SLC41A3: variants seen among roughly 807,000 people sequenced by gnomAD.
SLC41A3 encodes solute carrier family 41 member 3, also known as SLC41A1-like 2.
Under a neutral mutation model 45.4 loss-of-function variants are expected in SLC41A3, and 44 were observed. That is an observed-to-expected ratio of 0.97 (90% CI 0.76 to 1.25). SLC41A3 has a LOEUF of 1.25. Among genes scored for constraint, SLC41A3 ranks in the 50% most tolerant of loss-of-function variants. SLC41A3 has a pLI of 0.00. For missense variants in SLC41A3, 550 were observed against 600.6 expected (o/e 0.92, Z 0.88); for synonymous variants, 256 against 252.4 (o/e 1.01, Z -0.13).
intron 6 of SLC41A3, among the ~76,000 whole-genome samples, chr3:126,020,544 C>T (rs945047662): frequency 2.0e-5 from 3 of 152,156 alleles, no homozygotes; most frequent in African/African-American, 7.2e-5. Flanking sequence ...AAACCAAAAA[C>T]AAAATTCGAA....
At chr3:126,093,286 CA>C (rs1226989130) in intron 1 of SLC41A3, among the ~76,000 whole-genome samples, 2 of 152,128 alleles carry the variant, frequency 1.3e-5, no homozygotes, top group Non-Finnish European at 2.9e-5. Flanking sequence ...GAAATATGTC[CA>C]AAATATAAAA....
intron 3 of SLC41A3, among the ~76,000 whole-genome samples, chr3:126,039,056 A>G (rs983596380): frequency 1.4e-4 from 22 of 152,278 alleles, no homozygotes; most frequent in African/African-American, 5.3e-4. Flanking sequence ...CAGCTTCCAC[A>G]ATAATTGGAA....
intron 4 of SLC41A3, among the ~76,000 whole-genome samples, chr3:126,030,466 A>C (rs1941717183): frequency 6.6e-6 from 1 of 152,136 alleles, no homozygotes; most frequent in Non-Finnish European, 1.5e-5. Context: ...TTCTAAATAA[A>C]ATCTCCATTT....
At chr3:126,033,461 T>C (rs1941951759) in intron 4 of SLC41A3, 146 bp downstream of exon 4, 3 of 818,556 alleles carry the variant, frequency 3.7e-6, no homozygotes, top group Non-Finnish European at 5.9e-6. Flanking sequence ...ATGTGGTCTA[T>C]TGGATGTGGG....
At position 126,033,646 on chromosome 3, in the gene SLC41A3, C is replaced by T. The variant is rs1003406909; in HGVS notation, c.414G>A (p.Glu138=). The part of the protein sequence containing the change: ...ANTGQIDDPQ[E]QHRVISSNLA... ...GGTTGCTGCTGATGACTCTGTGCTG[C>T]TCCTGGGGGTCATCAATTTGTCCAG... The change falls in exon 4 of 11, where the codon GAG becomes GAA. Residue 138 remains glutamate (E), a synonymous_variant. Transcript: ENST00000360370. 1 of 1,613,180 alleles carries T rather than the reference C, an allele frequency of 6.2e-7. No homozygotes were observed. The highest frequency in any genetic ancestry group is 1.7e-5 in the Admixed American group (1 of 59,966).
At chr3:126,045,468 G>A (rs995914368) in intron 3 of SLC41A3, among the ~76,000 whole-genome samples, 3 of 151,904 alleles carry the variant, frequency 2.0e-5, no homozygotes, top group African/African-American at 4.8e-5. Context: ...TGATTCTACA[G>A]AAATAAAAAG....
At chr3:126,019,364 T>G (rs1441695836) in intron 6 of SLC41A3, among the ~76,000 whole-genome samples, 1 of 152,174 alleles carries the variant, frequency 6.6e-6, no homozygotes, top group East Asian at 1.9e-4. Flanking sequence ...TACTGCCACA[T>G]TGGGGATCAA....
At chr3:126,040,669 C>T (rs1277186158) in intron 3 of SLC41A3, among the ~76,000 whole-genome samples, 1 of 152,090 alleles carries the variant, frequency 6.6e-6, no homozygotes, top group Non-Finnish European at 1.5e-5. Flanking sequence ...CAGGGCAGTG[C>T]CCCAAGTGAC....
intron 4 of SLC41A3, 139 bp downstream of exon 4, chr3:126,033,468 T>G (rs922093860): frequency 3.5e-6 from 3 of 863,658 alleles, no homozygotes; most frequent in Non-Finnish European, 5.5e-6. Context: ...CTATTGGATG[T>G]GGGAGGGACA....
intron 2 of SLC41A3, chr3:126,056,639 T>C (rs1166182737): frequency 8.7e-6 from 13 of 1,494,606 alleles, no homozygotes; most frequent in African/African-American, 1.4e-5. Context: ...ACCAGGACGC[T>C]GTTCCCAAGA....
intron 9 of SLC41A3, among the ~76,000 whole-genome samples, chr3:126,011,308 A>G (rs1939684708): frequency 6.6e-6 from 1 of 152,240 alleles, no homozygotes; most frequent in African/African-American, 2.4e-5. Context: ...CAAAAGTCCC[A>G]GACAACTCAG....
intron 8 of SLC41A3, among the ~76,000 whole-genome samples, chr3:126,015,259 T>C (rs955067831): frequency 1.3e-5 from 2 of 152,212 alleles, no homozygotes; most frequent in Non-Finnish European, 1.5e-5. Flanking sequence ...GGGCTGCCTG[T>C]GAGGAGCCGG....
chr3:126,082,373 T>C lies in SLC41A3; in HGVS notation c.-28+1720A>G, dbSNP rs143923397. ...GGGCAATGTCTGCACATGGTTTTGGTTGTCCCGACAGGGGGTGATACAGGA... is the reference window on the plus strand; with the variant it reads ...GGGCAATGTCTGCACATGGTTTTGGCTGTCCCGACAGGGGGTGATACAGGA... On this transcript the variant is annotated intron_variant, in intron 1 of 10. Transcript: ENST00000360370. 7.6e-4 allele frequency among the ~76,000 whole-genome samples: 116 copies of C among 152,332 alleles called. No homozygotes were observed. The East Asian group carries it at 0.018, about 24-fold the overall frequency.
At chr3:126,056,856 G>T in intron 2 of SLC41A3, 1 of 1,200,294 alleles carries the variant, frequency 8.3e-7, no homozygotes. Flanking sequence ...TGTCCGCCGG[G>T]ACCTCCCTCT....
intron 2 of SLC41A3, among the ~76,000 whole-genome samples, chr3:126,053,535 A>C (rs1429839122): frequency 6.6e-6 from 1 of 152,188 alleles, no homozygotes; most frequent in Non-Finnish European, 1.5e-5. Flanking sequence ...CTATCTCTAG[A>C]CTTCTTTACA....
At chr3:126,084,979 C>G (rs1270441645), upstream of SLC41A3, among the ~76,000 whole-genome samples, 1 of 152,220 alleles carries the variant, frequency 6.6e-6, no homozygotes, top group Non-Finnish European at 1.5e-5. Flanking sequence ...AGCCTCTTCT[C>G]TCTGAAGCCT....
At chr3:126,044,490 G>A (rs1045432839) in intron 3 of SLC41A3, among the ~76,000 whole-genome samples, 5 of 152,164 alleles carry the variant, frequency 3.3e-5, no homozygotes, top group Middle Eastern at 3.4e-3. Context: ...ACACTCCACC[G>A]AACAATGGAA....
chr3:126,020,960 T>C (rs1045201782), intron 6 of SLC41A3, among the ~76,000 whole-genome samples: 28 of 152,098 alleles, frequency 1.8e-4, no homozygotes, highest in African/African-American at 6.5e-4. Context: ...AGTGGCGCTA[T>C]CCCGGCTCAC....
At chr3:126,079,801 G>A (rs1945062948) in intron 1 of SLC41A3, among the ~76,000 whole-genome samples, 1 of 152,118 alleles carries the variant, frequency 6.6e-6, no homozygotes, top group African/African-American at 2.4e-5. Context: ...AAAGAATAAA[G>A]CTTGAAGCAT....
Sources: allele counts gnomAD v4.1 joint callset (sites outside exome capture counted in the v4.1 genomes callset), GRCh38; gene constraint gnomAD v4.1.1; transcripts MANE v1.5; gene names NCBI Gene and HGNC (gene_info 2026-07-23, HGNC 2026-07-21).